Variants in POU2AF1 observed in about 807,000 individuals in gnomAD.
The protein encoded by POU2AF1 is POU class 2 homeobox associating factor 1.
A neutral mutation model predicts 26.3 loss-of-function variants in POU2AF1; 12 were observed. The observed-to-expected ratio is 0.46, with a 90% CI of 0.29 to 0.74. The LOEUF is 0.74. POU2AF1 is among the 30% of genes least tolerant of loss of function. The pLI is 0.09. For synonymous variants in POU2AF1, 175 were observed against 148.0 expected, an observed-to-expected ratio of 1.18 and a Z score of -1.32; for missense variants, 297 against 334.5, an observed-to-expected ratio of 0.89 and a Z score of 0.87.
In POU2AF1 at chr11:111,354,595, G is replaced by T; in HGVS notation, c.457-20C>A. 1 of 1,499,650 alleles carries T rather than the reference G, an allele frequency of 6.7e-7. No homozygotes were observed. Among genetic ancestry groups the T allele is most frequent in the South Asian group, 1.4e-5 (1 of 70,816 alleles). 92.9% of individuals were successfully genotyped at this position (1,499,650 alleles called of 1,614,324 possible). ...TCTTGTCTGTGACAGGAAAACACGT[G>T]ACAGAGGGTTAGCAGCCCCAGGAGA... On this transcript the variant is annotated intron_variant, in intron 4 of 4. Coordinates refer to ENST00000393067, the MANE Select transcript of POU2AF1 (RefSeq NM_006235.3).
Position 111,354,013 on chromosome 11 carries a change from A to C in POU2AF1, c.*248T>G. 3.2e-6 allele frequency: 1 copy of C among 311,856 alleles called. No homozygotes were observed. The allele number at this position is 311,856 out of a possible 1,614,324, so 19.3% of individuals were successfully genotyped here. ...AAGGAGGGAAGGAAGGGAGGGAGGAAAAGGAAGGAAGGGGTTGGAAAGGAA... is the reference window on the plus strand; with the variant it reads ...AAGGAGGGAAGGAAGGGAGGGAGGACAAGGAAGGAAGGGGTTGGAAAGGAA... On this transcript the variant is annotated 3_prime_UTR_variant, in exon 5 of 5. Transcript: ENST00000393067.
chr11:111,366,907 C>G (rs1861116019), intron 1 of POU2AF1, among the ~76,000 whole-genome samples: 1 of 152,100 alleles, frequency 6.6e-6, no homozygotes, highest in Non-Finnish European at 1.5e-5. Context: ...AGGGATCCCT[C>G]TAGGTTGTAT....
chr11:111,354,488 G>A lies in POU2AF1; in HGVS notation c.544C>T (p.Pro182Ser). 1.2e-6 allele frequency: 2 copies of A among 1,603,662 alleles called. No homozygotes were observed. The highest frequency in any genetic ancestry group is 1.7e-6 in the Non-Finnish European group (2 of 1,176,194). ...GTGGAGGTGGGTAGTGTGGAAAGGG[G>A]CTGAGGCCACGGGAAATAGGTGAGG... ...APLTYFPWPQ[P>S]LSTLPTSTLQ... Residue 182 changes from proline (P) to serine (S), a missense_variant, in exon 5 of 5, where the codon CCC becomes TCC. Pro to Ser is a moderately conservative substitution (Grantham distance 74). Coordinates refer to ENST00000393067, the MANE Select transcript of POU2AF1 (RefSeq NM_006235.3).
chr11:111,360,078 G>A, intron 1 of POU2AF1: 2 of 518,762 alleles, frequency 3.9e-6, no homozygotes, highest in South Asian at 2.8e-5. Context: ...ACCCAAATAA[G>A]AGCCAGTGCA....
At position 111,357,348 on chromosome 11, in the gene POU2AF1, A is replaced by C; in HGVS notation, c.456+97T>G. On this transcript the variant is annotated intron_variant, in intron 4 of 4. Coordinates refer to ENST00000393067, the MANE Select transcript of POU2AF1 (RefSeq NM_006235.3). ...CTCTGATGACCTGATTATCTTGAGAATCAATAGCAAGGAAGATCAGGATCG... is the reference window on the plus strand; with the variant it reads ...CTCTGATGACCTGATTATCTTGAGACTCAATAGCAAGGAAGATCAGGATCG... 2.0e-6 allele frequency: 3 copies of C among 1,530,666 alleles called. No individual in the cohort carries two copies. The East Asian group carries it at 6.7e-5, about 34-fold the overall frequency. The allele number at this position is 1,530,666 out of a possible 1,614,324, so 94.8% of individuals were successfully genotyped here.
intron 4 of POU2AF1, 37 bp from the exon 5 acceptor site, chr11:111,354,612 C>A: frequency 1.4e-6 from 2 of 1,463,266 alleles, no homozygotes; most frequent in Non-Finnish European, 1.8e-6. Flanking sequence ...GGTTAGCAGC[C>A]CCAGGAGACC....
chr11:111,358,680 ACACACG>A (rs1591192997), intron 2 of POU2AF1, 102 bp downstream of exon 2: 3 of 1,281,234 alleles, frequency 2.3e-6, no homozygotes, highest in Non-Finnish European at 3.2e-6. Context: ...AAACACATAC[ACACACG>A]CATACACATA....
intron 4 of POU2AF1, among the ~76,000 whole-genome samples, chr11:111,356,054 C>G (rs1226138149): frequency 6.6e-6 from 1 of 152,232 alleles, no homozygotes; most frequent in African/African-American, 2.4e-5. Context: ...ACTTACAGCT[C>G]TAGCCAGCTT....
chr11:111,366,693 A>T (rs764048229), intron 1 of POU2AF1, among the ~76,000 whole-genome samples: 8 of 152,184 alleles, frequency 5.3e-5, no homozygotes, highest in Admixed American at 1.3e-4. Flanking sequence ...GAATTTCCCC[A>T]GACCTAGGCA....
chr11:111,359,052 G>A lies in POU2AF1; in HGVS notation c.17-134C>T, dbSNP rs550220366. Reference sequence around the variant, plus strand: ...ACGGAGAACCACGTGACACTTCCTAGAATGCCTCTCCAGTATTGTCACTCC... The same window carrying A: ...ACGGAGAACCACGTGACACTTCCTAAAATGCCTCTCCAGTATTGTCACTCC... On this transcript the variant is annotated intron_variant, in intron 1 of 4. Coordinates refer to ENST00000393067, the MANE Select transcript of POU2AF1 (RefSeq NM_006235.3). 194 of 1,402,212 alleles carry A rather than the reference G, an allele frequency of 1.4e-4. 5 individuals carry two copies. In the South Asian group the frequency reaches 2.6e-3, roughly 19 times the overall value. 86.9% of individuals were successfully genotyped at this position (1,402,212 alleles called of 1,614,324 possible).
At chr11:111,363,316 T>C in intron 1 of POU2AF1, 5 of 1,026,122 alleles carry the variant, frequency 4.9e-6, no homozygotes, top group Non-Finnish European at 5.9e-6. Flanking sequence ...CTTCTCATAG[T>C]GACTTTGCAA....
chr11:111,370,721 T>TC (rs1348363659), intron 1 of POU2AF1, among the ~76,000 whole-genome samples: 2 of 152,162 alleles, frequency 1.3e-5, no homozygotes, highest in Non-Finnish European at 2.9e-5. Context: ...AATCCTTGGA[T>TC]TTTCTTCCCA....
intron 1 of POU2AF1, among the ~76,000 whole-genome samples, chr11:111,373,352 GAGCCATT>G (rs1861248207): frequency 1.3e-5 from 2 of 152,102 alleles, no homozygotes; most frequent in East Asian, 3.9e-4. Flanking sequence ...TCTCACCTGG[GAGCCATT>G]TGCAGCTCTC....
At position 111,357,623 on chromosome 11, in the gene POU2AF1, G is replaced by A; in HGVS notation, c.278C>T (p.Pro93Leu). The change falls in exon 4 of 5, where the codon CCG becomes CTG. Residue 93 changes from proline (P) to leucine (L), a missense_variant. Coordinates refer to ENST00000393067, the MANE Select transcript of POU2AF1 (RefSeq NM_006235.3). ...LCAGWLSQPTPATLQPLAPWT... is the reference protein window; with the variant it reads ...LCAGWLSQPTLATLQPLAPWT... Reference sequence around the variant, plus strand: ...TGGGGCCAGGGGCTGCAGGGTGGCCGGGGTGGGCTGGGAGAGCCAGCCGGC... The same window carrying A: ...TGGGGCCAGGGGCTGCAGGGTGGCCAGGGTGGGCTGGGAGAGCCAGCCGGC... 1.9e-6 allele frequency: 3 copies of A among 1,613,846 alleles called. No individual in the cohort carries two copies. The highest frequency in any genetic ancestry group is 1.3e-5 in the African/African-American group (1 of 75,028).
chr11:111,356,901 G>GT (rs1312031181), intron 4 of POU2AF1, among the ~76,000 whole-genome samples: 1 of 152,210 alleles, frequency 6.6e-6, no homozygotes. Flanking sequence ...TAGCTAGTAA[G>GT]TGAAGGGACA....
chr11:111,352,998 G>C lies in POU2AF1; in HGVS notation c.*1263C>G, dbSNP rs1440662178. ...GGAAGGAAGGAAGGAAGGAAAGAAG[G>C]AAGGAAGGAAGGAAGGAAGGAAGGA... On this transcript the variant is annotated 3_prime_UTR_variant, in exon 5 of 5. Transcript: ENST00000393067. 2 of 60,476 alleles carry C rather than the reference G, an allele frequency of 3.3e-5. No homozygotes were observed. The highest frequency in any genetic ancestry group is 6.9e-5 in the Non-Finnish European group (2 of 29,012). 3.7% of individuals were successfully genotyped at this position (60,476 alleles called of 1,614,324 possible).
chr11:111,364,792 C>A (rs1403949069), intron 1 of POU2AF1, among the ~76,000 whole-genome samples: 2 of 152,238 alleles, frequency 1.3e-5, no homozygotes, highest in Non-Finnish European at 2.9e-5. Context: ...CTGGTTGAAC[C>A]TCAAATCAGC....
chr11:111,363,363 C>T (rs368125875), intron 1 of POU2AF1: 19 of 1,021,250 alleles, frequency 1.9e-5, no homozygotes, highest in African/African-American at 1.4e-4. Flanking sequence ...AGCTTCAAGA[C>T]GATTCCAAAG....
intron 1 of POU2AF1, chr11:111,359,878 T>C (rs1860971521): frequency 2.0e-6 from 1 of 499,762 alleles, no homozygotes; most frequent in Non-Finnish European, 4.1e-6. Flanking sequence ...ATGCTGCCAT[T>C]TGTCTTCCCT....
Sources: gnomAD v4.1 joint callset for allele counts (sites outside exome capture counted in the v4.1 genomes callset) on GRCh38, gnomAD v4.1.1 for gene constraint, MANE v1.5 for transcripts, NCBI Gene and HGNC (gene_info 2026-07-23, HGNC 2026-07-21) for gene names.